DNAH3: variants seen among roughly 807,000 people sequenced by gnomAD.
DNAH3 encodes axonemal beta dynein heavy chain 3.
Under a neutral mutation model 432.5 loss-of-function variants are expected in DNAH3, and 332 were observed. The ratio of observed to expected loss-of-function variants is 0.77; its 90% confidence interval spans 0.70 to 0.84. The LOEUF (loss-of-function observed/expected upper bound fraction) is 0.84, where lower values mean the gene tolerates loss of function less well. Among genes scored for constraint, DNAH3 ranks in the 40% least tolerant of loss-of-function variants. The pLI, the probability that DNAH3 is intolerant of heterozygous loss-of-function variation, is 0.00. For synonymous variants in DNAH3, 1,956 were observed against 1,900.2 expected (o/e 1.03, Z -0.76); for missense variants, 4,861 against 5,114.0 (o/e 0.95, Z 1.51).
Position 20,933,525 on chromosome 16 carries a change from T to C in DNAH3, c.11998-18A>G, listed in dbSNP as rs1022907584. On this transcript the variant is annotated intron_variant, in intron 61 of 61. Coordinates refer to ENST00000261383, the Ensembl canonical transcript of DNAH3. ...GGGGTTACCTGGAAGAATAAAAAGC[T>C]ATGAGCTCCATTGCCTGCCATTTTC... 6.5e-7 allele frequency: 1 copy of C among 1,548,688 alleles called. No homozygotes were observed. Among genetic ancestry groups the C allele is most frequent in the Non-Finnish European group, 8.7e-7 (1 of 1,147,366 alleles).
chr16:21,097,173 T>C (rs2091706294), intron 18 of DNAH3, among the ~76,000 whole-genome samples, 182 bp downstream of exon 18: 1 of 152,188 alleles, frequency 6.6e-6, no homozygotes. Context: ...TCTGGCTCTT[T>C]CTCCACCTTC....
At chr16:21,018,372 T>A (rs943592900) in intron 41 of DNAH3, among the ~76,000 whole-genome samples, 4 of 152,234 alleles carry the variant, frequency 2.6e-5, no homozygotes, top group Admixed American at 2.6e-4. Context: ...TATTTCTGGA[T>A]AGTGGGATTA....
intron 17 of DNAH3, among the ~76,000 whole-genome samples, chr16:21,097,919 T>C (rs1733150269): frequency 6.6e-6 from 1 of 152,232 alleles, no homozygotes; most frequent in South Asian, 2.1e-4. Context: ...TCTCCAAGAC[T>C]TAGTTCTCTT....
chr16:21,094,100 AC>A (rs2152787559), intron 18 of DNAH3, among the ~76,000 whole-genome samples: 1 of 152,310 alleles, frequency 6.6e-6, no homozygotes, highest in Non-Finnish European at 1.5e-5. Context: ...TGTGAAAGAC[AC>A]TATAAAGAGA....
In DNAH3 at chr16:20,960,536, A is replaced by C. The variant is rs552863943; in HGVS notation, c.10601-1132T>G. The stretch of plus-strand genomic sequence containing the variant: ...CCCCATCTCTACTAAAAATACAAAA[A>C]TTAGCTGGGCTAATTAACTAATTAG... On this transcript the variant is annotated intron_variant, in intron 53 of 61. Transcript: ENST00000261383. 1.2e-4 allele frequency among the ~76,000 whole-genome samples: 18 copies of C among 152,268 alleles called. 1 individual carries two copies. The highest frequency in any genetic ancestry group is 4.3e-4 in the African/African-American group (18 of 41,548).
At chr16:20,963,495 A>T in exon 53 of DNAH3, 1 of 1,614,146 alleles carries the variant, frequency 6.2e-7, no homozygotes, top group Non-Finnish European at 8.5e-7. Flanking sequence ...AGAACTTCCA[A>T]GACCCAGGGA....
chr16:21,023,932 T>C (rs765141736), intron 39 of DNAH3, among the ~76,000 whole-genome samples: 3 of 152,058 alleles, frequency 2.0e-5, no homozygotes, highest in Non-Finnish European at 4.4e-5. Context: ...AGAGTTTCCA[T>C]TGTAGGAATA....
chr16:20,941,570 AG>A, intron 58 of DNAH3, 27 bp from the exon 59 acceptor site: 1 of 1,612,798 alleles, frequency 6.2e-7, no homozygotes, highest in Non-Finnish European at 8.5e-7. Flanking sequence ...AAGAGAGGTG[AG>A]TGAGAAGCAA....
chr16:21,066,191 GAACT>G (rs898071276), intron 24 of DNAH3, among the ~76,000 whole-genome samples: 4 of 151,504 alleles, frequency 2.6e-5, no homozygotes, highest in Admixed American at 1.3e-4. Context: ...AAACAGCAGG[GAACT>G]AACTTTGTCT....
At position 20,933,324 on chromosome 16, in the gene DNAH3, G is replaced by A. The variant is rs138066595; in HGVS notation, c.12181C>T (p.His4061Tyr). ...ACTGGACACACATAGATGTCCTGAT[G>A]CAGAAACATTGCGCTCTCCCCAGGT... The change falls in exon 62 of 62, where the codon CAT becomes TAT. Residue 4061 changes from histidine (H) to tyrosine (Y), a missense_variant. By Grantham distance (83) the His-to-Tyr change is moderately conservative. Transcript: ENST00000261383. The A allele has an allele frequency of 3.8e-5, 61 of 1,614,182 alleles. No homozygotes were observed. The Admixed American group carries it at 7.3e-4, about 19-fold the overall frequency.
intron 51 of DNAH3, among the ~76,000 whole-genome samples, chr16:20,973,238 G>A (rs1442609033): frequency 1.3e-5 from 2 of 151,948 alleles, no homozygotes; most frequent in African/African-American, 4.8e-5. Flanking sequence ...ACTCTCATAT[G>A]CCCATGTCTG....
At chr16:21,035,228 G>A (rs2089106010) in intron 35 of DNAH3, among the ~76,000 whole-genome samples, 1 of 152,230 alleles carries the variant, frequency 6.6e-6, no homozygotes, top group Non-Finnish European at 1.5e-5. Context: ...TCGAGAGGCT[G>A]AGGCAGCAGA....
intron 10 of DNAH3, chr16:21,120,931 G>A: frequency 9.3e-7 from 1 of 1,078,518 alleles, no homozygotes; most frequent in South Asian, 1.3e-5. Flanking sequence ...TTGTAGGAGA[G>A]CTGCCCAGTG....
chr16:21,114,463 T>C (rs1005377083), intron 12 of DNAH3, among the ~76,000 whole-genome samples: 21 of 152,214 alleles, frequency 1.4e-4, no homozygotes, highest in African/African-American at 4.8e-4. Context: ...TTTGTGGGAC[T>C]CAGTGGCATG....
At chr16:20,949,080 C>T (rs1346776182) in intron 56 of DNAH3, among the ~76,000 whole-genome samples, 1 of 152,056 alleles carries the variant, frequency 6.6e-6, no homozygotes, top group Non-Finnish European at 1.5e-5. Flanking sequence ...CATTTACCAT[C>T]TTCCATTCGT....
At chr16:21,090,087 C>G (rs1038949064) in intron 18 of DNAH3, among the ~76,000 whole-genome samples, 8 of 151,456 alleles carry the variant, frequency 5.3e-5, no homozygotes, top group African/African-American at 1.9e-4. Flanking sequence ...TAAAATGAAG[C>G]CATTCTTCAA....
chr16:21,013,548 C>T (rs1426601212), intron 41 of DNAH3, among the ~76,000 whole-genome samples: 1 of 151,732 alleles, frequency 6.6e-6, no homozygotes, highest in Non-Finnish European at 1.5e-5. Context: ...TGGAGAAACC[C>T]CGTCTCTACC....
At chr16:21,005,992 T>C (rs1330738730) in intron 41 of DNAH3, among the ~76,000 whole-genome samples, 1 of 152,178 alleles carries the variant, frequency 6.6e-6, no homozygotes, top group African/African-American at 2.4e-5. Context: ...TTACAATTGG[T>C]AGAAACAACT....
At chr16:21,075,489 A>G in exon 21 of DNAH3, 1 of 1,614,078 alleles carries the variant, frequency 6.2e-7, no homozygotes, top group South Asian at 1.1e-5. Context: ...CGTTAACCCA[A>G]TCCAACTTCA....
Sources: allele counts gnomAD v4.1 joint callset (sites outside exome capture counted in the v4.1 genomes callset), GRCh38; gene constraint gnomAD v4.1.1; transcripts MANE v1.5; gene names NCBI Gene and HGNC (gene_info 2026-07-23, HGNC 2026-07-21).